Variants in SEMA4B observed in about 807,000 individuals in gnomAD.
SEMA4B encodes semaphorin-4B.
SEMA4B carries 55 observed loss-of-function variants against 88.1 expected under a neutral mutation model. The observed-to-expected ratio is 0.62, with a 90% CI of 0.50 to 0.78. The LOEUF is 0.78. Among genes scored for constraint, SEMA4B ranks in the 30% least tolerant of loss-of-function variants. The pLI, the probability that SEMA4B is intolerant of heterozygous loss-of-function variation, is 0.00. For missense variants in SEMA4B, 1,062 were observed against 1,111.9 expected, an observed-to-expected ratio of 0.96 and a Z score of 0.64; for synonymous variants, 525 against 473.6, an observed-to-expected ratio of 1.11 and a Z score of -1.41.
intron 1 of SEMA4B, among the ~76,000 whole-genome samples, chr15:90,204,081 G>T (rs1337719546): frequency 1.3e-5 from 2 of 152,192 alleles, no homozygotes; most frequent in African/African-American, 4.8e-5. Flanking sequence ...CTTGAGTGTG[G>T]CCTAAGGCGG....
At chr15:90,223,809 C>T (rs772872362) in intron 8 of SEMA4B, 29 bp from the exon 9 acceptor site, 1 of 1,610,654 alleles carries the variant, frequency 6.2e-7, no homozygotes, top group Non-Finnish European at 8.5e-7. Flanking sequence ...CCCAGGGCTC[C>T]TGGGTTAATC....
At chr15:90,222,076 A>T (rs990750347) in intron 7 of SEMA4B, among the ~76,000 whole-genome samples, 1 of 151,302 alleles carries the variant, frequency 6.6e-6, no homozygotes, top group African/African-American at 2.4e-5. Context: ...AGTAGCTGAG[A>T]CTACAGGTGT....
chr15:90,202,394 C>A lies in SEMA4B; in HGVS notation c.157+659C>A, dbSNP rs569346266. 7.2e-5 allele frequency among the ~76,000 whole-genome samples: 11 copies of A among 152,364 alleles called. No homozygotes were observed. The South Asian group carries it at 1.0e-3, about 14-fold the overall frequency. ...GACATTCCCAAGTCCTGGGCGCGAC[C>A]CCTCCTCAGAGTGACCTGGGAGTAG... On this transcript the variant is annotated intron_variant, in intron 1 of 13. Transcript: ENST00000411539.
intron 1 of SEMA4B, among the ~76,000 whole-genome samples, chr15:90,185,245 C>G (rs1960130124): frequency 6.6e-6 from 1 of 152,378 alleles, no homozygotes; most frequent in South Asian, 2.1e-4. Context: ...GCACTGGGGC[C>G]CGCCGCCCGG....
rs375334883 is a variant in SEMA4B, at chr15:90,201,677, C to G, written c.99C>G (p.Leu33=). The G allele has an allele frequency of 3.3e-6, 5 of 1,513,014 alleles. No homozygotes were observed. The highest frequency in any genetic ancestry group is 2.0e-5 in the Admixed American group (1 of 49,422). 93.7% of individuals were successfully genotyped at this position (1,513,014 alleles called of 1,614,324 possible). A position where few individuals can be genotyped will look rare whatever the true frequency, so the allele number is the denominator to read the frequency against. ...TGCTGCTGCTCCTGCTGCTGCTGCT[C>G]CTGCTGCAGCCGCCGCCTCCGACCT... is the stretch of plus-strand genomic sequence containing the variant. ...PPLLLLLLLL[L]LLQPPPPTWA... The change falls in exon 1 of 14, where the codon CTC becomes CTG. Residue 33 remains leucine (L), a synonymous_variant. Transcript: ENST00000411539.
intron 3 of SEMA4B, 189 bp downstream of exon 3, chr15:90,218,018 TAG>T (rs1961621209): frequency 1.8e-6 from 1 of 559,654 alleles, no homozygotes; most frequent in African/African-American, 1.9e-5. Flanking sequence ...CTTCGACAAG[TAG>T]ATTCACCTGT....
intron 1 of SEMA4B, among the ~76,000 whole-genome samples, chr15:90,215,222 C>CT (rs35502396): frequency 0.57 from 84,202 of 147,256 alleles, 24,608 homozygotes; most frequent in East Asian, 0.83. Flanking sequence ...GTGTGTGTTT[C>CT]TTTTTTTTTT....
intron 7 of SEMA4B, 145 bp downstream of exon 7, chr15:90,221,910 T>A: frequency 1.5e-6 from 1 of 665,432 alleles, no homozygotes; most frequent in Non-Finnish European, 2.4e-6. Context: ...ACCTTTTAAA[T>A]TAAAATATCT....
In SEMA4B at chr15:90,218,104, G is replaced by A. The variant is rs138925229; in HGVS notation, c.384+275G>A. Among the ~76,000 whole-genome samples, 69 of 152,298 alleles carry A rather than the reference G, an allele frequency of 4.5e-4. 1 individual carries two copies. The East Asian group carries it at 6.0e-3, about 13-fold the overall frequency. On this transcript the variant is annotated intron_variant, in intron 3 of 13. Coordinates refer to ENST00000411539, the MANE Select transcript of SEMA4B (RefSeq NM_198925.4). ...CACTGGGCTTACAGTGAGGATTCAG[G>A]AAGCTAATAGGTGTAAGGCACCTGG...
chr15:90,222,065 G>A (rs988542576), intron 7 of SEMA4B, among the ~76,000 whole-genome samples: 3 of 150,782 alleles, frequency 2.0e-5, no homozygotes, highest in Non-Finnish European at 3.0e-5. Flanking sequence ...TCAGCCTCCC[G>A]AGTAGCTGAG....
intron 1 of SEMA4B, among the ~76,000 whole-genome samples, chr15:90,207,374 T>G (rs991118690): frequency 1.3e-5 from 2 of 152,122 alleles, no homozygotes; most frequent in African/African-American, 4.8e-5. Flanking sequence ...AGGAGCCAAA[T>G]TAGCCAACTC....
At position 90,228,381 on chromosome 15, in the gene SEMA4B, G is replaced by C. The variant is rs1454566655; in HGVS notation, c.2252G>C (p.Gly751Ala). The C allele has an allele frequency of 5.6e-6, 9 of 1,599,570 alleles. No individual in the cohort carries two copies. The highest frequency in any genetic ancestry group is 2.2e-5 in the East Asian group (1 of 44,802). Residue 751 changes from glycine (G) to alanine (A), a missense_variant, in exon 14 of 14, where the codon GGG becomes GCG. Transcript: ENST00000411539. ...RNSMKVFLKQ[G>A]ECASVHPKTC... ...AGCATGAAAGTCTTCCTGAAGCAGG[G>C]GGAATGTGCCAGCGTGCACCCCAAG... is the stretch of plus-strand genomic sequence containing the variant.
chr15:90,201,228 C>A, upstream of SEMA4B: 1 of 828,874 alleles, frequency 1.2e-6, no homozygotes. Context: ...GCGCCCCGAG[C>A]TGCCGCCCCT....
chr15:90,198,093 A>T (rs1455127681), upstream of SEMA4B, among the ~76,000 whole-genome samples: 2 of 149,964 alleles, frequency 1.3e-5, no homozygotes, highest in African/African-American at 4.9e-5. Context: ...TGCCCGGCTA[A>T]TTTTTTTTTG....
upstream of SEMA4B, among the ~76,000 whole-genome samples, chr15:90,197,644 A>T (rs1166183267): frequency 6.6e-6 from 1 of 151,772 alleles, no homozygotes; most frequent in Admixed American, 6.6e-5. Context: ...TTACTGTGTT[A>T]GCCAGGATGG....
rs1245885667 is a variant in SEMA4B at position 90,228,398 on chromosome 15, C to T, written c.2269C>T (p.His757Tyr). 1.2e-6 allele frequency: 2 copies of T among 1,600,060 alleles called. No individual in the cohort carries two copies. The highest frequency in any genetic ancestry group is 1.7e-6 in the Non-Finnish European group (2 of 1,173,146). The part of the protein sequence containing the change: ...FLKQGECASV[H>Y]PKTCPVVLPP... ...GAAGCAGGGGGAATGTGCCAGCGTG[C>T]ACCCCAAGACCTGCCCTGTGGTGCT... The change falls in exon 14 of 14, where the codon CAC becomes TAC. Residue 757 changes from histidine (H) to tyrosine (Y), a missense_variant. His to Tyr is a moderately conservative substitution (Grantham distance 83). Transcript: ENST00000411539.
At chr15:90,198,029 C>T (rs1960572136), upstream of SEMA4B, among the ~76,000 whole-genome samples, 2 of 151,414 alleles carry the variant, frequency 1.3e-5, no homozygotes, top group African/African-American at 4.9e-5. Context: ...CGGGTTCGCG[C>T]CATTCTCCTG....
At chr15:90,223,132 A>AT (rs1195004208) in intron 7 of SEMA4B, among the ~76,000 whole-genome samples, 3 of 151,706 alleles carry the variant, frequency 2.0e-5, no homozygotes, top group Non-Finnish European at 4.4e-5. Context: ...TGCCCAGCTA[A>AT]TTTTTTTGTA....
chr15:90,215,231 T>TC (rs1422494303), intron 1 of SEMA4B, among the ~76,000 whole-genome samples: 2 of 151,684 alleles, frequency 1.3e-5, no homozygotes, highest in Admixed American at 1.3e-4. Flanking sequence ...TCTTTTTTTT[T>TC]TTCTTTGATT....
Sources: allele counts gnomAD v4.1 joint callset (sites outside exome capture counted in the v4.1 genomes callset), GRCh38; gene constraint gnomAD v4.1.1; transcripts MANE v1.5; gene names NCBI Gene and HGNC (gene_info 2026-07-23, HGNC 2026-07-21).